Variants in NOL11 observed in about 807,000 individuals in gnomAD.
NOL11 encodes the protein nucleolar protein 11.
In NOL11, 42 loss-of-function variants were observed where a neutral mutation model predicts 93.0. The observed-to-expected ratio is 0.45, with a 90% CI of 0.35 to 0.58. The LOEUF (loss-of-function observed/expected upper bound fraction) is 0.58. NOL11 is among the 20% of genes least tolerant of loss of function. The pLI, the probability that NOL11 is intolerant of heterozygous loss-of-function variation, is 0.00. For missense variants in NOL11, 775 were observed against 841.8 expected (o/e 0.92, Z 0.98); for synonymous variants, 296 against 293.7 (o/e 1.01, Z -0.08).
Position 67,736,031 on chromosome 17 carries a change from C to G in NOL11, c.1054+8C>G. On this transcript the variant is annotated splice_region_variant and intron_variant, in intron 9 of 17. Transcript: ENST00000253247. ...AGCATAGTCAAGATCCAGGTAGAAACTTACTTCTGTTTGTTTTATTAATAC... is the reference window on the plus strand; with the variant it reads ...AGCATAGTCAAGATCCAGGTAGAAAGTTACTTCTGTTTGTTTTATTAATAC... 1 of 1,601,032 alleles carries G rather than the reference C, an allele frequency of 6.2e-7. No individual in the cohort carries two copies. Among genetic ancestry groups the G allele is most frequent in the Non-Finnish European group, 8.5e-7 (1 of 1,175,434 alleles).
intron 10 of NOL11, 80 bp downstream of exon 10, chr17:67,736,834 A>T: frequency 9.3e-7 from 1 of 1,076,216 alleles, no homozygotes; most frequent in Non-Finnish European, 1.4e-6. Flanking sequence ...AATGAATCAT[A>T]TCCTTACAAC....
At position 67,738,297 on chromosome 17, in the gene NOL11, C is replaced by T; in HGVS notation, c.1705C>T (p.Gln569Ter). 1.2e-6 allele frequency: 2 copies of T among 1,613,964 alleles called. No homozygotes were observed. The highest frequency in any genetic ancestry group is 2.2e-5 in the East Asian group (1 of 44,872). Residue 569 changes from glutamine (Q) to a stop codon, truncating the protein, a stop_gained, in exon 14 of 18, where the codon CAG becomes TAG. Transcript: ENST00000253247. LOFTEE classifies it high-confidence loss of function. ...NCDQELNKKP[Q>*]DETKESTSCP... ...TGATCAAGAGTTAAATAAAAAGCCC[C>T]AGGACGAAACAAAGGAGAGCACTTC...
intron 14 of NOL11, chr17:67,738,712 A>G (rs7215206): frequency 0.82 from 400,292 of 489,474 alleles, 166,789 homozygotes; most frequent in Non-Finnish European, 0.87. Context: ...ATACTAACAC[A>G]GAAGCTCTAT....
At position 67,726,630 on chromosome 17, in the gene NOL11, C is replaced by T. The variant is rs762118843; in HGVS notation, c.835C>T (p.Pro279Ser). ...GGATCACGTCGCAGTCCTAGGAAGT[C>T]CACTAGCAGCTTCTAAGGGTAACTG... The part of the protein sequence containing the change: ...DQDHVAVLGS[P>S]LAASKECLSV... Residue 279 changes from proline (P) to serine (S), a missense_variant, in exon 7 of 18, where the codon CCA (proline) becomes TCA (serine). By Grantham distance (74) the Pro-to-Ser change is moderately conservative. Coordinates refer to ENST00000253247, the MANE Select transcript of NOL11 (RefSeq NM_015462.5). 3 of 1,602,346 alleles carry T rather than the reference C, an allele frequency of 1.9e-6. No individual in the cohort carries two copies. In the East Asian group the frequency reaches 6.7e-5, roughly 36 times the overall value.
chr17:67,726,866 T>C, intron 7 of NOL11: 1 of 404,148 alleles, frequency 2.5e-6, no homozygotes, highest in Admixed American at 4.4e-5. Flanking sequence ...ATCACCACCA[T>C]GCTCATAACT....
Position 67,737,114 on chromosome 17 carries a change from C to T in NOL11, c.1187C>T (p.Pro396Leu). Reference sequence around the variant, plus strand: ...GAAGTGAGTTTACAGCCAGAGGTTCCACCATCCAAACAACTTTTGTCAACC... The same window carrying T: ...GAAGTGAGTTTACAGCCAGAGGTTCTACCATCCAAACAACTTTTGTCAACC... Reference protein sequence around the residue: ...KIEVSLQPEVPPSKQLLSTIM... With the variant: ...KIEVSLQPEVLPSKQLLSTIM... Residue 396 changes from proline to leucine, a missense_variant, in exon 11 of 18, where the codon CCA (proline) becomes CTA (leucine). By Grantham distance (98) the Pro-to-Leu change is moderately conservative. Around this residue, in one of 2 missense-constraint regions of NOL11, gnomAD observed 416 missense variants for 525.2 expected, o/e 0.79. Coordinates refer to ENST00000253247, the MANE Select transcript of NOL11 (RefSeq NM_015462.5). The T allele has an allele frequency of 6.2e-7, 1 of 1,610,972 alleles. No homozygotes were observed. Among genetic ancestry groups the T allele is most frequent in the Non-Finnish European group, 8.5e-7 (1 of 1,177,402 alleles).
chr17:67,737,195 G>T, intron 11 of NOL11, 50 bp downstream of exon 11: 1 of 1,102,264 alleles, frequency 9.1e-7, no homozygotes, highest in Non-Finnish European at 1.4e-6. Context: ...GTGTTCCAAA[G>T]AAATCGCATC....
intron 7 of NOL11, among the ~76,000 whole-genome samples, chr17:67,729,870 C>T (rs1213452390): frequency 2.0e-5 from 3 of 152,160 alleles, no homozygotes; most frequent in Admixed American, 6.5e-5. Flanking sequence ...TGAGCCACCG[C>T]GCCCGGCCCA....
intron 9 of NOL11, 92 bp downstream of exon 9, chr17:67,736,115 CT>C: frequency 8.2e-7 from 1 of 1,221,158 alleles, no homozygotes; most frequent in Non-Finnish European, 1.1e-6. Flanking sequence ...ATTTGTAAAG[CT>C]TTTTCTTAAT....
chr17:67,724,528 C>T (rs562267945), intron 6 of NOL11, among the ~76,000 whole-genome samples: 3 of 151,908 alleles, frequency 2.0e-5, no homozygotes, highest in African/African-American at 2.4e-5. Context: ...GAGACGGTTT[C>T]GCCATGTTGG....
In NOL11 at chr17:67,722,590, T is replaced by G; in HGVS notation, c.472T>G (p.Phe158Val). 6.3e-7 allele frequency: 1 copy of G among 1,575,484 alleles called. No homozygotes were observed. The highest frequency in any genetic ancestry group is 2.3e-5 in the East Asian group (1 of 42,768). The change falls in exon 5 of 18, where the codon TTT becomes GTT. Residue 158 changes from phenylalanine to valine, a missense_variant. Physicochemically the swap from Phe to Val is conservative, Grantham distance 50. Coordinates refer to ENST00000253247, the MANE Select transcript of NOL11 (RefSeq NM_015462.5). The part of the protein sequence containing the change: ...SDEEVIKWTK[F>V]FVVFRHPVLI... ...TTTCTTTTTTTGTAGATGGACAAAG[T>G]TTTTCGTAGTATTCAGACATCCTGT... is the stretch of plus-strand genomic sequence containing the variant.
At position 67,737,842 on chromosome 17, in the gene NOL11, C is replaced by T. The variant is rs755742392; in HGVS notation, c.1404-5C>T. On this transcript the variant is annotated splice_polypyrimidine_tract_variant and splice_region_variant and intron_variant, in intron 12 of 17. Coordinates refer to ENST00000253247, the MANE Select transcript of NOL11 (RefSeq NM_015462.5). ...GTAATAGTGATTCAGATTTTTTTGT[C>T]TTAGTTTGTGCCCCGACTTAATGGA... 3 of 1,606,616 alleles carry T rather than the reference C, an allele frequency of 1.9e-6. No individual in the cohort carries two copies. Among genetic ancestry groups the T allele is most frequent in the East Asian group, 2.2e-5 (1 of 44,834 alleles).
At position 67,724,033 on chromosome 17, in the gene NOL11, C is replaced by CT; in HGVS notation, c.520-16_520-15insT. 1 of 1,512,816 alleles carries CT rather than the reference C, an allele frequency of 6.6e-7. No homozygotes were observed. Among genetic ancestry groups the CT allele is most frequent in the Non-Finnish European group, 8.8e-7 (1 of 1,131,626 alleles). The allele number at this position is 1,512,816 out of a possible 1,614,324, so 93.7% of individuals were successfully genotyped here. A position where few individuals can be genotyped will look rare whatever the true frequency, so the allele number is the denominator to read the frequency against. On this transcript the variant is annotated splice_polypyrimidine_tract_variant and intron_variant, in intron 5 of 17. Coordinates refer to ENST00000253247, the MANE Select transcript of NOL11 (RefSeq NM_015462.5). ...TGAAATGGGAATATTTATAAAATAA[C>CT]CTTTTTTTTTTGCAGCATGGAAATT...
chr17:67,736,932 C>A, intron 10 of NOL11, 139 bp from the exon 11 acceptor site: 1 of 731,742 alleles, frequency 1.4e-6, no homozygotes, highest in Non-Finnish European at 2.3e-6. Context: ...CCCATGTTGT[C>A]TATTAGTTAT....
At chr17:67,720,116 G>A (rs2043206724) in intron 3 of NOL11, among the ~76,000 whole-genome samples, 154 bp downstream of exon 3, 1 of 151,956 alleles carries the variant, frequency 6.6e-6, no homozygotes, top group South Asian at 2.1e-4. Context: ...AATGTATCTT[G>A]GTAACATGTC....
intron 7 of NOL11, 123 bp downstream of exon 7, chr17:67,726,771 C>T (rs1448525304): frequency 9.6e-6 from 7 of 726,008 alleles, no homozygotes; most frequent in Non-Finnish European, 1.4e-5. Flanking sequence ...TATCAGCATA[C>T]TCAATTTTTT....
chr17:67,738,293 GC>G lies in NOL11; in HGVS notation c.1705del (p.Gln569ArgfsTer37), dbSNP rs750296869. 5 of 1,614,004 alleles carry G rather than the reference GC, an allele frequency of 3.1e-6. No individual in the cohort carries two copies. The highest frequency in any genetic ancestry group is 3.4e-6 in the Non-Finnish European group (4 of 1,179,988). The part of the protein sequence containing the change: ...NNCDQELNKK[P>X]QDETKESTSC... Reference sequence around the variant, plus strand: ...ACTGTGATCAAGAGTTAAATAAAAAGCCCCAGGACGAAACAAAGGAGAGCAC... The same window carrying G: ...ACTGTGATCAAGAGTTAAATAAAAAGCCCAGGACGAAACAAAGGAGAGCAC... On this transcript the variant is annotated frameshift_variant, in exon 14 of 18. Transcript: ENST00000253247. LOFTEE classifies it high-confidence loss of function.
At position 67,721,471 on chromosome 17, in the gene NOL11, C is replaced by T; in HGVS notation, c.406C>T (p.Leu136Phe). ...EGAVRGLEAL[L>F]ADPQQKIETV... ...TGCTGTTCGTGGTTTAGAGGCCTTG[C>T]TTGCAGACCCCCAGCAGAAAATTGA... The change falls in exon 4 of 18, where the codon CTT (leucine) becomes TTT (phenylalanine). Residue 136 changes from leucine (L) to phenylalanine (F), a missense_variant. Physicochemically the swap from Leu to Phe is conservative, Grantham distance 22. Transcript: ENST00000253247. 1 of 1,613,990 alleles carries T rather than the reference C, an allele frequency of 6.2e-7. No homozygotes were observed. Among genetic ancestry groups the T allele is most frequent in the African/African-American group, 1.3e-5 (1 of 75,052 alleles).
At chr17:67,736,142 T>C in intron 9 of NOL11, 119 bp downstream of exon 9, 2 of 976,976 alleles carry the variant, frequency 2.0e-6, no homozygotes, top group Non-Finnish European at 2.9e-6. Flanking sequence ...AATTTACCGC[T>C]GTTTATTGAA....
Sources: allele counts gnomAD v4.1 joint callset (sites outside exome capture counted in the v4.1 genomes callset), GRCh38; gene constraint gnomAD v4.1.1; regional missense constraint gnomAD v4.1.1; transcripts MANE v1.5; gene names NCBI Gene and HGNC (gene_info 2026-07-23, HGNC 2026-07-21).